DLG2: variants seen among roughly 807,000 people sequenced by gnomAD.
DLG2 encodes the protein disks large homolog 2.
DLG2 carries 45 observed loss-of-function variants against 132.5 expected under a neutral mutation model. That is an observed-to-expected ratio of 0.34 (90% CI 0.27 to 0.44). DLG2 has a LOEUF of 0.44. DLG2 is among the 20% of genes least tolerant of loss of function. The pLI is 1.00. For missense variants in DLG2, 1,045 were observed against 1,196.9 expected (o/e 0.87, Z 1.87); for synonymous variants, 424 against 419.6 (o/e 1.01, Z -0.13).
intron 12 of DLG2, among the ~76,000 whole-genome samples, chr11:83,972,197 A>G (rs1489286863): frequency 6.6e-6 from 1 of 152,164 alleles, no homozygotes; most frequent in Admixed American, 6.6e-5. Context: ...GCAACTTGAT[A>G]CAGGGAGAAT....
At chr11:84,946,722 G>T (rs567928185) in intron 6 of DLG2, among the ~76,000 whole-genome samples, 42 of 152,192 alleles carry the variant, frequency 2.8e-4, no homozygotes, top group African/African-American at 9.6e-4. Context: ...ACCCTAGCTG[G>T]TGTATCACTA....
At chr11:84,184,008 C>T (rs1365991660) in intron 8 of DLG2, among the ~76,000 whole-genome samples, 1 of 151,782 alleles carries the variant, frequency 6.6e-6, no homozygotes, top group East Asian at 1.9e-4. Context: ...CAAGTCTTTG[C>T]TATTGTGAAT....
At chr11:85,245,323 T>C (rs2076079934) in intron 4 of DLG2, among the ~76,000 whole-genome samples, 1 of 152,010 alleles carries the variant, frequency 6.6e-6, no homozygotes, top group African/African-American at 2.4e-5. Context: ...TTGCTCTGCT[T>C]ACAGCCTCCT....
intron 3 of DLG2, among the ~76,000 whole-genome samples, chr11:85,356,776 GTAGATAGATAGATAGATAGATAGATAGA>G (rs58735940): frequency 2.0e-5 from 3 of 147,290 alleles, no homozygotes; most frequent in African/African-American, 5.0e-5. Flanking sequence ...CAGTAGGTAA[GTAGATAGATAGATAGATAGATAGATAGA>G]TAGATAGATA....
At chr11:84,347,064 T>TA (rs761107895) in intron 7 of DLG2, among the ~76,000 whole-genome samples, 1 of 152,286 alleles carries the variant, frequency 6.6e-6, no homozygotes, top group East Asian at 1.9e-4. Flanking sequence ...TACAGCCATC[T>TA]AATAAAAACA....
intron 3 of DLG2, among the ~76,000 whole-genome samples, chr11:85,590,851 AG>A (rs1311775967): frequency 4.6e-5 from 7 of 152,220 alleles, no homozygotes; most frequent in Non-Finnish European, 2.9e-5. Flanking sequence ...AGAAATCACC[AG>A]ATCCTTTCAC....
intron 3 of DLG2, among the ~76,000 whole-genome samples, chr11:85,291,271 T>C (rs978885764): frequency 2.6e-5 from 4 of 152,160 alleles, no homozygotes; most frequent in Admixed American, 1.3e-4. Context: ...AATTATCTAC[T>C]TAACCACAAT....
At chr11:85,023,918 C>G (rs2060293835) in intron 6 of DLG2, among the ~76,000 whole-genome samples, 1 of 152,036 alleles carries the variant, frequency 6.6e-6, no homozygotes, top group Admixed American at 6.5e-5. Flanking sequence ...GATTGGTAAA[C>G]AAATAAAGCC....
At chr11:84,451,931 G>A (rs2099052681) in intron 7 of DLG2, among the ~76,000 whole-genome samples, 1 of 151,688 alleles carries the variant, frequency 6.6e-6, no homozygotes, top group South Asian at 2.1e-4. Context: ...AGTATGTGAA[G>A]GCCTTAAGAA....
At chr11:83,651,760 C>A in intron 18 of DLG2, 1 of 460,120 alleles carries the variant, frequency 2.2e-6, no homozygotes, top group South Asian at 1.6e-5. Context: ...AAGTAAAGAG[C>A]ATCTAATAGG....
intron 8 of DLG2, among the ~76,000 whole-genome samples, chr11:84,226,267 A>C (rs1416006156): frequency 6.6e-6 from 1 of 152,052 alleles, no homozygotes; most frequent in Non-Finnish European, 1.5e-5. Flanking sequence ...ATTTAATTTT[A>C]CTTCTTGGTT....
At chr11:84,046,373 T>TA (rs1157069307) in intron 11 of DLG2, among the ~76,000 whole-genome samples, 2 of 151,492 alleles carry the variant, frequency 1.3e-5, no homozygotes, top group Non-Finnish European at 3.0e-5. Flanking sequence ...TTATTATAAT[T>TA]AAAAAAACTG....
intron 6 of DLG2, among the ~76,000 whole-genome samples, chr11:84,641,074 G>A (rs1249992252): frequency 6.6e-6 from 1 of 152,100 alleles, no homozygotes; most frequent in Non-Finnish European, 1.5e-5. Context: ...GGGGAACCAG[G>A]TGTTAGAGTC....
At chr11:85,123,273 G>A (rs1189286811) in intron 5 of DLG2, among the ~76,000 whole-genome samples, 2 of 151,802 alleles carry the variant, frequency 1.3e-5, no homozygotes, top group Non-Finnish European at 2.9e-5. Flanking sequence ...CACCATGCCC[G>A]GCCTGTATGT....
At chr11:83,860,794 A>G (rs928213850) in intron 16 of DLG2, among the ~76,000 whole-genome samples, 5 of 152,078 alleles carry the variant, frequency 3.3e-5, no homozygotes, top group African/African-American at 1.2e-4. Flanking sequence ...ATTCCCACAC[A>G]TTCTGGGAGG....
At chr11:85,502,491 TC>T (rs1371347388) in intron 3 of DLG2, among the ~76,000 whole-genome samples, 4 of 152,056 alleles carry the variant, frequency 2.6e-5, no homozygotes, top group Non-Finnish European at 2.9e-5. Context: ...TGAGTTCATG[TC>T]CTTTGCAGGG....
chr11:85,425,671 C>T (rs1317323245), intron 3 of DLG2, among the ~76,000 whole-genome samples: 3 of 151,962 alleles, frequency 2.0e-5, no homozygotes, highest in Non-Finnish European at 4.4e-5. Context: ...GGCAAGATGG[C>T]CAAATAGGAA....
chr11:84,138,148 T>C lies in DLG2; in HGVS notation c.624+25313A>G, dbSNP rs944564411. Among the ~76,000 whole-genome samples the C allele has an allele frequency of 3.3e-5, 5 of 152,168 alleles. No individual in the cohort carries two copies. The East Asian group carries it at 7.7e-4, about 23-fold the overall frequency. On this transcript the variant is annotated intron_variant, in intron 9 of 27. Transcript: ENST00000376104. ...CACATCCTGGCTATGTATGCAATCT[T>C]ATACTAGTTACTTAATCACTCAACA...
intron 3 of DLG2, among the ~76,000 whole-genome samples, chr11:85,483,278 G>A (rs777617819): frequency 1.3e-5 from 2 of 152,188 alleles, no homozygotes; most frequent in African/African-American, 2.4e-5. Context: ...CAGCAGGGAC[G>A]TTACAGGCCA....
Sources: allele counts gnomAD v4.1 joint callset (sites outside exome capture counted in the v4.1 genomes callset), GRCh38; gene constraint gnomAD v4.1.1; transcripts MANE v1.5; gene names NCBI Gene and HGNC (gene_info 2026-07-23, HGNC 2026-07-21).